The following PTPRD variants were observed in gnomAD, a reference collection of about 807,000 sequenced individuals.
PTPRD encodes receptor-type tyrosine-protein phosphatase delta.
A neutral mutation model predicts 214.5 loss-of-function variants in PTPRD; 34 were observed. That is an observed-to-expected ratio of 0.16 (90% confidence interval 0.12 to 0.21). The LOEUF (loss-of-function observed/expected upper bound fraction) is 0.21, where lower values mean the gene tolerates loss of function less well. Ranked by LOEUF, PTPRD falls within the 10% of genes least tolerant of loss-of-function variation. PTPRD has a pLI of 1.00. For missense variants in PTPRD, 2,545 were observed against 2,398.7 expected (o/e 1.06, Z -1.27); for synonymous variants, 1,128 against 845.7 (o/e 1.33, Z -5.79).
intron 10 of PTPRD, among the ~76,000 whole-genome samples, chr9:9,153,692 T>C (rs2099878796): frequency 6.6e-6 from 1 of 152,202 alleles, no homozygotes; most frequent in African/African-American, 2.4e-5. Flanking sequence ...ATATGAAATA[T>C]ATTTGGTAAA....
chr9:9,390,226 G>C (rs534884053), intron 9 of PTPRD, among the ~76,000 whole-genome samples: 3 of 152,318 alleles, frequency 2.0e-5, no homozygotes, highest in African/African-American at 7.2e-5. Flanking sequence ...AACCATGTCA[G>C]ACAGGAGGTT....
chr9:9,795,032 C>A (rs988686362), intron 5 of PTPRD, among the ~76,000 whole-genome samples: 2 of 152,214 alleles, frequency 1.3e-5, no homozygotes, highest in Admixed American at 6.5e-5. Flanking sequence ...AATGTGCTCA[C>A]TGGCACAGGC....
At chr9:10,389,637 T>C (rs913492254) in intron 2 of PTPRD, among the ~76,000 whole-genome samples, 3 of 151,856 alleles carry the variant, frequency 2.0e-5, no homozygotes, top group Non-Finnish European at 4.4e-5. Flanking sequence ...CATATTCAGA[T>C]GGTTAAAAGA....
chr9:9,655,054 C>A (rs538343923), intron 7 of PTPRD, among the ~76,000 whole-genome samples: 1 of 151,690 alleles, frequency 6.6e-6, no homozygotes, highest in Non-Finnish European at 1.5e-5. Context: ...GAAATGTTTA[C>A]TTTAGGCCTT....
chr9:8,795,741 A>AATAAGTGGAATT (rs2096396631), intron 11 of PTPRD, among the ~76,000 whole-genome samples: 1 of 152,214 alleles, frequency 6.6e-6, no homozygotes, highest in Non-Finnish European at 1.5e-5. Flanking sequence ...AGTCTTATTT[A>AATAAGTGGAATT]TGAAGTGGAA....
intron 11 of PTPRD, among the ~76,000 whole-genome samples, chr9:8,834,639 T>C (rs986615544): frequency 6.6e-6 from 1 of 152,182 alleles, no homozygotes; most frequent in African/African-American, 2.4e-5. Context: ...AGCAATAGTA[T>C]GAGGTAGGTA....
intron 6 of PTPRD, among the ~76,000 whole-genome samples, chr9:9,738,880 T>A (rs1423500737): frequency 6.6e-6 from 1 of 152,182 alleles, no homozygotes; most frequent in Non-Finnish European, 1.5e-5. Flanking sequence ...TTTATCCCAA[T>A]AATGTAGAAT....
At chr9:8,329,343 G>A (rs143745203) in intron 44 of PTPRD, among the ~76,000 whole-genome samples, 3 of 152,218 alleles carry the variant, frequency 2.0e-5, no homozygotes, top group Admixed American at 6.5e-5. Flanking sequence ...TATCAGCAGA[G>A]GCTTCAGAAC....
At chr9:8,712,347 A>C (rs2098355866) in intron 12 of PTPRD, among the ~76,000 whole-genome samples, 1 of 152,230 alleles carries the variant, frequency 6.6e-6, no homozygotes. Flanking sequence ...CTTACTGTTT[A>C]TCAATTGTGT....
At chr9:8,782,024 TTATG>T (rs757393361) in intron 11 of PTPRD, among the ~76,000 whole-genome samples, 1 of 151,620 alleles carries the variant, frequency 6.6e-6, no homozygotes, top group Admixed American at 6.6e-5. Context: ...ATTATGCATA[TTATG>T]TATGTTTATT....
chr9:9,848,597 G>A (rs1030267697), intron 5 of PTPRD, among the ~76,000 whole-genome samples: 3 of 151,946 alleles, frequency 2.0e-5, no homozygotes, highest in South Asian at 2.1e-4. Flanking sequence ...TGAAACTCAA[G>A]CTTTCTACCC....
chr9:9,542,089 C>T (rs946633143), intron 8 of PTPRD, among the ~76,000 whole-genome samples: 1 of 151,408 alleles, frequency 6.6e-6, no homozygotes, highest in Non-Finnish European at 1.5e-5. Context: ...AAATGACAAA[C>T]CCTGAGTTAC....
chr9:10,246,008 A>T (rs577242933), intron 3 of PTPRD, among the ~76,000 whole-genome samples: 69 of 152,298 alleles, frequency 4.5e-4, no homozygotes, highest in African/African-American at 1.5e-3. Context: ...ATTAGGAAAT[A>T]AAAATTTCCT....
At chr9:9,335,523 A>G (rs1337731850) in intron 9 of PTPRD, among the ~76,000 whole-genome samples, 1 of 152,082 alleles carries the variant, frequency 6.6e-6, no homozygotes, top group Admixed American at 6.6e-5. Context: ...GTCTGTTTGA[A>G]TTGTTCTTCC....
intron 7 of PTPRD, among the ~76,000 whole-genome samples, chr9:9,723,300 C>T (rs2098001837): frequency 6.6e-6 from 1 of 152,028 alleles, no homozygotes; most frequent in Admixed American, 6.6e-5. Flanking sequence ...GTTATCTTGG[C>T]ACCTTTGTCA....
intron 11 of PTPRD, among the ~76,000 whole-genome samples, chr9:8,734,149 G>T (rs937356975): frequency 6.6e-6 from 1 of 152,164 alleles, no homozygotes; most frequent in Non-Finnish European, 1.5e-5. Flanking sequence ...TAGACTATCC[G>T]GGTTTGTGTT....
chr9:9,117,038 A>T (rs2099813040), intron 10 of PTPRD, among the ~76,000 whole-genome samples: 1 of 152,114 alleles, frequency 6.6e-6, no homozygotes. Context: ...CAGGACAGAT[A>T]CAGGCTTTAC....
intron 11 of PTPRD, among the ~76,000 whole-genome samples, chr9:8,968,087 T>C (rs540738365): frequency 1.3e-5 from 2 of 152,154 alleles, no homozygotes; most frequent in South Asian, 2.1e-4. Context: ...CATGAACTCA[T>C]CCCTTTTTAT....
chr9:8,351,323 ACAAAT>A (rs987997687), intron 39 of PTPRD, among the ~76,000 whole-genome samples: 3 of 152,304 alleles, frequency 2.0e-5, no homozygotes, highest in African/African-American at 7.2e-5. Context: ...GAAAAGATAC[ACAAAT>A]CAGAATAGTT....
Sources: allele counts gnomAD v4.1 joint callset (sites outside exome capture counted in the v4.1 genomes callset), GRCh38; gene constraint gnomAD v4.1.1; transcripts MANE v1.5; gene names NCBI Gene and HGNC (gene_info 2026-07-23, HGNC 2026-07-21).